PTCSC3: variants seen among roughly 807,000 people sequenced by gnomAD.
PTCSC3 encodes papillary thyroid carcinoma susceptibility candidate 3.
chr14:36,165,419 C>T (rs1882066773), intron 1 of PTCSC3: 1 of 152,230 alleles, frequency 6.6e-6, no homozygotes, highest in Admixed American at 6.5e-5. Context: ...GGCACATTCT[C>T]TCTCCATCTC....
At chr14:36,171,422 T>C in intron 1 of PTCSC3, among the ~76,000 whole-genome samples, 1 of 152,126 alleles carries the variant, frequency 6.6e-6, no homozygotes, top group East Asian at 1.9e-4. Flanking sequence ...GGAAGAAATG[T>C]GCTATACTGA....
intron 1 of PTCSC3, among the ~76,000 whole-genome samples, chr14:36,173,544 T>C (rs1268099155): frequency 6.7e-6 from 1 of 149,274 alleles, no homozygotes; most frequent in East Asian, 2.0e-4. Flanking sequence ...AAGGGCCAAA[T>C]ATTAAGACAG....
intron 1 of PTCSC3, chr14:36,162,775 A>G (rs1881994835): frequency 6.6e-6 from 1 of 152,190 alleles, no homozygotes; most frequent in African/African-American, 2.4e-5. Context: ...TTCCTGATTT[A>G]GGGGAAAATG....
At chr14:36,170,607 T>C (rs1305194502) in intron 1 of PTCSC3, among the ~76,000 whole-genome samples, 2 of 152,052 alleles carry the variant, frequency 1.3e-5, no homozygotes, top group Non-Finnish European at 2.9e-5. Context: ...TAACCTAGAG[T>C]TTAATTAATT....
intron 3 of PTCSC3, among the ~76,000 whole-genome samples, chr14:36,141,501 T>G (rs904561555): frequency 6.6e-6 from 1 of 151,942 alleles, no homozygotes. Context: ...TACAGGCACA[T>G]GCCACCACGC....
chr14:36,159,491 A>C (rs1451629701), intron 2 of PTCSC3, among the ~76,000 whole-genome samples: 1 of 152,086 alleles, frequency 6.6e-6, no homozygotes, highest in African/African-American at 2.4e-5. Flanking sequence ...TTTCTGCCTT[A>C]ATTTCATTAT....
chr14:36,137,054 A>G lies in PTCSC3; in HGVS notation n.323-698T>C, dbSNP rs78650632. Among the ~76,000 whole-genome samples the G allele has an allele frequency of 3.4e-5, 5 of 146,540 alleles. No individual in the cohort carries two copies. In the South Asian group the frequency reaches 1.1e-3, roughly 32 times the overall value. On this transcript the variant is annotated intron_variant and non_coding_transcript_variant, in intron 3 of 3. Transcript: ENST00000556013. ...TCTTTTTTCTTTGTAAGTGTTATAGAAAAAAAAGCAGAATAACAAGGTAGA... is the reference window on the plus strand; with the variant it reads ...TCTTTTTTCTTTGTAAGTGTTATAGGAAAAAAAGCAGAATAACAAGGTAGA...
chr14:36,156,648 G>A (rs1191289029), intron 2 of PTCSC3, among the ~76,000 whole-genome samples: 1 of 152,088 alleles, frequency 6.6e-6, no homozygotes, highest in Non-Finnish European at 1.5e-5. Flanking sequence ...CCACTTATGA[G>A]TGGGAACATG....
At chr14:36,154,109 A>G (rs1027629392) in intron 2 of PTCSC3, among the ~76,000 whole-genome samples, 2 of 151,886 alleles carry the variant, frequency 1.3e-5, no homozygotes, top group Non-Finnish European at 2.9e-5. Context: ...GTGAGCGGAG[A>G]CAGAATCTAA....
At chr14:36,148,723 C>T (rs1245125337) in intron 3 of PTCSC3, among the ~76,000 whole-genome samples, 1 of 152,184 alleles carries the variant, frequency 6.6e-6, no homozygotes, top group Non-Finnish European at 1.5e-5. Context: ...CAGGCCTATT[C>T]AGATGGTCTA....
At chr14:36,150,588 C>G (rs955169619) in intron 3 of PTCSC3, among the ~76,000 whole-genome samples, 3 of 152,138 alleles carry the variant, frequency 2.0e-5, no homozygotes, top group African/African-American at 7.2e-5. Context: ...AAATTGTTTT[C>G]TATTTGTTTC....
At chr14:36,162,491 G>C (rs1326907042) in intron 2 of PTCSC3, 1 of 152,256 alleles carries the variant, frequency 6.6e-6, no homozygotes, top group Non-Finnish European at 1.5e-5. Flanking sequence ...GGAGTTCCCC[G>C]ACCCCGTGCG....
intron 2 of PTCSC3, among the ~76,000 whole-genome samples, chr14:36,160,360 G>C (rs1044326768): frequency 3.9e-5 from 6 of 152,130 alleles, no homozygotes; most frequent in Non-Finnish European, 8.8e-5. Context: ...TGCAGTGGCT[G>C]GTATCTGTTG....
intron 2 of PTCSC3, among the ~76,000 whole-genome samples, chr14:36,157,691 A>T (rs1157726289): frequency 2.0e-5 from 3 of 152,050 alleles, no homozygotes; most frequent in Non-Finnish European, 4.4e-5. Flanking sequence ...AGGTAGTGTG[A>T]TGCCCCCAGC....
At chr14:36,144,217 G>C (rs1381118657) in intron 3 of PTCSC3, among the ~76,000 whole-genome samples, 1 of 149,930 alleles carries the variant, frequency 6.7e-6, no homozygotes, top group Non-Finnish European at 1.5e-5. Flanking sequence ...TAGCTTGATG[G>C]GGATGGCGTT....
chr14:36,158,318 C>T (rs1319497159), intron 2 of PTCSC3, among the ~76,000 whole-genome samples: 3 of 152,266 alleles, frequency 2.0e-5, no homozygotes, highest in African/African-American at 7.2e-5. Context: ...GAGAGGGCAT[C>T]CTTGTCTTGT....
intron 1 of PTCSC3, chr14:36,165,344 G>A (rs1011578298): frequency 2.6e-5 from 4 of 152,118 alleles, no homozygotes; most frequent in African/African-American, 9.7e-5. Context: ...CCTCCCCTAA[G>A]GTTAGGACCT....
chr14:36,151,615 C>G (rs1881725800), intron 3 of PTCSC3, among the ~76,000 whole-genome samples: 1 of 152,090 alleles, frequency 6.6e-6, no homozygotes, highest in Admixed American at 6.6e-5. Context: ...CCTTTCTCTT[C>G]TCTTTGGTGG....
At chr14:36,162,147 T>C (rs1382209664) in intron 2 of PTCSC3, among the ~76,000 whole-genome samples, 1 of 150,950 alleles carries the variant, frequency 6.6e-6, no homozygotes, top group African/African-American at 2.4e-5. Context: ...TGCTGGACTC[T>C]GTGGGGGTGG....
Sources: allele counts gnomAD v4.1 joint callset (sites outside exome capture counted in the v4.1 genomes callset), GRCh38; gene constraint gnomAD v4.1.1; transcripts MANE v1.5; gene names NCBI Gene and HGNC (gene_info 2026-07-23, HGNC 2026-07-21).